Variants in RIT2 observed in about 807,000 individuals in gnomAD.
RIT2 encodes GTP-binding protein Rit2.
RIT2 carries 24 observed loss-of-function variants against 23.7 expected under a neutral mutation model. The ratio of observed to expected loss-of-function variants is 1.01; its 90% confidence interval spans 0.73 to 1.43. RIT2 has a LOEUF of 1.43. RIT2 is among the 40% of genes most tolerant of loss of function. The pLI, the probability that RIT2 is intolerant of heterozygous loss-of-function variation, is 0.00. For missense variants in RIT2, 236 were observed against 266.9 expected (o/e 0.88, Z 0.81); for synonymous variants, 107 against 91.1 (o/e 1.17, Z -0.99).
chr18:42,844,271 C>A (rs1013489755), intron 4 of RIT2, among the ~76,000 whole-genome samples: 5 of 152,146 alleles, frequency 3.3e-5, no homozygotes, highest in Non-Finnish European at 5.9e-5. Context: ...GCTCAGTTGG[C>A]CACTTGCCTT....
chr18:42,751,515 A>C (rs1226528865), intron 4 of RIT2, among the ~76,000 whole-genome samples: 1 of 151,976 alleles, frequency 6.6e-6, no homozygotes. Context: ...ATTAGTAAAC[A>C]AATCCCATGC....
chr18:42,847,538 A>T (rs915621488), intron 4 of RIT2, among the ~76,000 whole-genome samples: 2 of 152,160 alleles, frequency 1.3e-5, no homozygotes, highest in Admixed American at 1.3e-4. Flanking sequence ...TAGTGCATTT[A>T]ATAAATCTTC....
chr18:43,080,954 G>A (rs1249828948), intron 1 of RIT2, among the ~76,000 whole-genome samples: 1 of 152,166 alleles, frequency 6.6e-6, no homozygotes, highest in East Asian at 1.9e-4. Flanking sequence ...AAGGACAACA[G>A]GGATATACCA....
chr18:42,768,142 T>C (rs1265666625), intron 4 of RIT2, among the ~76,000 whole-genome samples: 1 of 152,148 alleles, frequency 6.6e-6, no homozygotes, highest in Non-Finnish European at 1.5e-5. Context: ...TTTAAATATA[T>C]TTTACTTATC....
At chr18:42,965,962 T>C (rs991823925) in intron 3 of RIT2, among the ~76,000 whole-genome samples, 1 of 152,032 alleles carries the variant, frequency 6.6e-6, no homozygotes, top group South Asian at 2.1e-4. Flanking sequence ...AAATGATTCA[T>C]GAGCATAATG....
At chr18:42,759,827 G>A (rs1010742418) in intron 4 of RIT2, among the ~76,000 whole-genome samples, 1 of 151,316 alleles carries the variant, frequency 6.6e-6, no homozygotes, top group Non-Finnish European at 1.5e-5. Context: ...GCCCAGGCTG[G>A]AGTGCAATGG....
At chr18:42,995,818 T>C (rs1598742454) in intron 2 of RIT2, among the ~76,000 whole-genome samples, 1 of 151,884 alleles carries the variant, frequency 6.6e-6, no homozygotes, top group East Asian at 1.9e-4. Flanking sequence ...TTGGACTGTG[T>C]CCCAAAAAAC....
intron 1 of RIT2, among the ~76,000 whole-genome samples, chr18:43,096,451 A>T (rs1913555809): frequency 1.3e-5 from 2 of 151,862 alleles, no homozygotes; most frequent in Admixed American, 6.6e-5. Flanking sequence ...ATTATTTTTA[A>T]CATGGAAAAT....
intron 4 of RIT2, among the ~76,000 whole-genome samples, chr18:42,892,297 ATG>A (rs1199393097): frequency 6.6e-6 from 1 of 152,176 alleles, no homozygotes; most frequent in Non-Finnish European, 1.5e-5. Context: ...GCTTAAGTGA[ATG>A]TCTTTTCTTT....
intron 1 of RIT2, among the ~76,000 whole-genome samples, chr18:43,053,704 A>T (rs1296160665): frequency 3.3e-5 from 5 of 152,104 alleles, no homozygotes; most frequent in Non-Finnish European, 5.9e-5. Flanking sequence ...GTTTTAAAAG[A>T]TGGTGAAGAA....
chr18:42,889,278 C>T (rs1908109708), intron 4 of RIT2, among the ~76,000 whole-genome samples: 1 of 152,032 alleles, frequency 6.6e-6, no homozygotes, highest in Non-Finnish European at 1.5e-5. Flanking sequence ...TCCAAAATTA[C>T]TTAGTGTATC....
intron 4 of RIT2, among the ~76,000 whole-genome samples, chr18:42,854,731 A>C (rs1174299961): frequency 6.6e-6 from 1 of 152,236 alleles, no homozygotes; most frequent in Non-Finnish European, 1.5e-5. Context: ...GACTATAATT[A>C]AAATAGCTTT....
chr18:42,926,640 TA>T (rs1299033746), intron 3 of RIT2, among the ~76,000 whole-genome samples: 1 of 151,916 alleles, frequency 6.6e-6, no homozygotes, highest in East Asian at 1.9e-4. Context: ...GATGATTGAA[TA>T]AATAAAAGTC....
At chr18:43,009,848 T>C (rs991046060) in intron 2 of RIT2, among the ~76,000 whole-genome samples, 7 of 151,670 alleles carry the variant, frequency 4.6e-5, no homozygotes, top group Non-Finnish European at 8.8e-5. Flanking sequence ...CACCTCTAAT[T>C]TGCATGATGC....
intron 4 of RIT2, among the ~76,000 whole-genome samples, chr18:42,888,462 A>C (rs999959736): frequency 1.3e-5 from 2 of 151,998 alleles, no homozygotes; most frequent in Non-Finnish European, 2.9e-5. Context: ...GAACTAATTT[A>C]CATTCCCAGC....
rs1481216761 is a variant in RIT2 at position 43,058,099 on chromosome 18, G to GT, written c.104-24233dup. 4.6e-5 allele frequency among the ~76,000 whole-genome samples: 7 copies of GT among 152,260 alleles called. No individual in the cohort carries two copies. The East Asian group carries it at 1.2e-3, about 25-fold the overall frequency. On this transcript the variant is annotated intron_variant, in intron 1 of 4. Coordinates refer to ENST00000326695, the MANE Select transcript of RIT2 (RefSeq NM_002930.4). Reference sequence around the variant, plus strand: ...CTAAGATAGAATGAACTGAGTAGTAGTTTAGCAGCCAAGTAATTTGCTGCC... The same window carrying GT: ...CTAAGATAGAATGAACTGAGTAGTAGTTTTAGCAGCCAAGTAATTTGCTGCC...
At chr18:43,026,749 T>G (rs547905789) in intron 2 of RIT2, among the ~76,000 whole-genome samples, 28 of 150,614 alleles carry the variant, frequency 1.9e-4, no homozygotes, top group African/African-American at 6.3e-4. Context: ...CTATTAGACA[T>G]CTAAATGGAG....
intron 2 of RIT2, among the ~76,000 whole-genome samples, chr18:43,007,256 A>G (rs1463390673): frequency 1.8e-4 from 27 of 151,732 alleles, no homozygotes; most frequent in Non-Finnish European, 1.5e-5. Context: ...TTAAGACTAT[A>G]TGAGGGAGAG....
chr18:43,062,591 C>A (rs73951799), intron 1 of RIT2, among the ~76,000 whole-genome samples: 37,977 of 151,924 alleles, frequency 0.25, 4,830 homozygotes, highest in South Asian at 0.32. Context: ...GATAAGCTAC[C>A]CTTTGTCTTC....
Sources: allele counts gnomAD v4.1 joint callset (sites outside exome capture counted in the v4.1 genomes callset), GRCh38; gene constraint gnomAD v4.1.1; transcripts MANE v1.5; gene names NCBI Gene and HGNC (gene_info 2026-07-23, HGNC 2026-07-21).